SGCD: variants seen among roughly 807,000 people sequenced by gnomAD.
SGCD encodes sarcoglycan delta.
Under a neutral mutation model 36.6 loss-of-function variants are expected in SGCD, and 18 were observed. That is an observed-to-expected ratio of 0.49 (90% confidence interval 0.34 to 0.73). The LOEUF is 0.73. Among genes scored for constraint, SGCD ranks in the 30% least tolerant of loss-of-function variants. SGCD has a pLI of 0.01. For missense variants in SGCD, 387 were observed against 346.7 expected (o/e 1.12, Z -0.92); for synonymous variants, 133 against 130.6 (o/e 1.02, Z -0.12).
At chr5:155,943,237 A>G (rs559677307) in intron 1 of SGCD, among the ~76,000 whole-genome samples, 14 of 152,232 alleles carry the variant, frequency 9.2e-5, no homozygotes, top group Non-Finnish European at 2.1e-4. Context: ...ATGCTATTGC[A>G]TATAAAATGC....
chr5:156,198,375 C>G (rs13178125), intron 3 of SGCD, among the ~76,000 whole-genome samples: 1 of 151,822 alleles, frequency 6.6e-6, no homozygotes, highest in Non-Finnish European at 1.5e-5. Flanking sequence ...AATAATTTAC[C>G]GAGCACTTGG....
chr5:156,530,743 C>A (rs1757853793), intron 4 of SGCD, among the ~76,000 whole-genome samples: 1 of 152,010 alleles, frequency 6.6e-6, no homozygotes, highest in African/African-American at 2.4e-5. Context: ...CCGTGCCCAG[C>A]TAATTTTTGT....
chr5:156,699,681 A>G (rs186251893), intron 7 of SGCD, among the ~76,000 whole-genome samples: 51 of 152,330 alleles, frequency 3.3e-4, no homozygotes, highest in African/African-American at 1.2e-3. Context: ...CCTAGCTGTC[A>G]GTTCAGGAAA....
intron 1 of SGCD, among the ~76,000 whole-genome samples, chr5:155,909,406 A>G (rs918896933): frequency 4.6e-5 from 7 of 152,274 alleles, no homozygotes; most frequent in African/African-American, 1.2e-4. Context: ...ATATCTATAA[A>G]TAACTATCAT....
intron 7 of SGCD, among the ~76,000 whole-genome samples, chr5:156,684,389 C>T (rs747309266): frequency 3.3e-5 from 5 of 152,186 alleles, no homozygotes; most frequent in Non-Finnish European, 7.3e-5. Flanking sequence ...AATAGTCTTT[C>T]ACACCTTGAC....
intron 1 of SGCD, among the ~76,000 whole-genome samples, chr5:156,037,782 T>C (rs1005007590): frequency 1.3e-5 from 2 of 152,222 alleles, no homozygotes; most frequent in African/African-American, 4.8e-5. Context: ...CAGACTAGGC[T>C]ATCTAGAAAG....
At chr5:156,709,082 A>C (rs981202886) in intron 7 of SGCD, among the ~76,000 whole-genome samples, 2 of 152,138 alleles carry the variant, frequency 1.3e-5, no homozygotes, top group Admixed American at 1.3e-4. Context: ...CCCCTCTTTT[A>C]GACAAAAAAG....
the SGCD span, among the ~76,000 whole-genome samples, chr5:155,761,862 TCATCTC>T: frequency 6.6e-6 from 1 of 152,006 alleles, no homozygotes; most frequent in Non-Finnish European, 1.5e-5. Context: ...ATCTTCATTA[TCATCTC>T]CATCATCCTC....
At chr5:155,758,924 G>T in the SGCD span, among the ~76,000 whole-genome samples, 1 of 152,032 alleles carries the variant, frequency 6.6e-6, no homozygotes, top group Non-Finnish European at 1.5e-5. Context: ...GGAAGTTGGT[G>T]GTCAGTTTAC....
intron 1 of SGCD, among the ~76,000 whole-genome samples, chr5:155,925,399 T>G (rs1418999177): frequency 6.6e-6 from 1 of 152,194 alleles, no homozygotes; most frequent in African/African-American, 2.4e-5. Context: ...GAAATGAAAG[T>G]GCCAGCCAAG....
chr5:155,937,391 C>T (rs1757231997), intron 1 of SGCD, among the ~76,000 whole-genome samples: 2 of 152,180 alleles, frequency 1.3e-5, no homozygotes, highest in Admixed American at 6.5e-5. Flanking sequence ...CTAAAGCCTA[C>T]TTTCTCAAAA....
the SGCD span, among the ~76,000 whole-genome samples, chr5:155,809,372 G>C: frequency 6.6e-6 from 1 of 152,208 alleles, no homozygotes; most frequent in Non-Finnish European, 1.5e-5. Context: ...AAATCATTGA[G>C]ATGAACCAAG....
At chr5:155,935,192 G>A (rs1757170852) in intron 1 of SGCD, among the ~76,000 whole-genome samples, 1 of 152,124 alleles carries the variant, frequency 6.6e-6, no homozygotes. Flanking sequence ...TCTGTTGCTT[G>A]CAATTAAGAC....
chr5:156,494,474 A>G (rs1242223037), intron 3 of SGCD, among the ~76,000 whole-genome samples: 2 of 151,990 alleles, frequency 1.3e-5, no homozygotes, highest in African/African-American at 4.8e-5. Context: ...AAAAAAAATT[A>G]TTTAAGTTTA....
intron 3 of SGCD, among the ~76,000 whole-genome samples, chr5:156,246,234 A>T (rs1304535986): frequency 6.6e-6 from 1 of 152,172 alleles, no homozygotes; most frequent in African/African-American, 2.4e-5. Context: ...TAAATATTTT[A>T]TGTTATTTAC....
chr5:156,475,593 A>G (rs1755144789), intron 3 of SGCD, among the ~76,000 whole-genome samples: 1 of 152,148 alleles, frequency 6.6e-6, no homozygotes, highest in Non-Finnish European at 1.5e-5. Flanking sequence ...GGAGGAGACA[A>G]GATACTTTGT....
the SGCD span, among the ~76,000 whole-genome samples, chr5:155,833,207 G>T: frequency 6.6e-6 from 1 of 151,874 alleles, no homozygotes; most frequent in African/African-American, 2.4e-5. Flanking sequence ...TCCAGCCTGG[G>T]TGACACAGAG....
At chr5:156,222,387 A>G (rs1764736878) in intron 3 of SGCD, among the ~76,000 whole-genome samples, 1 of 152,270 alleles carries the variant, frequency 6.6e-6, no homozygotes, top group South Asian at 2.1e-4. Context: ...TCTACTTTAC[A>G]TTAGTGATTT....
chr5:156,345,054 G>T (rs1251330125), intron 3 of SGCD, among the ~76,000 whole-genome samples: 2 of 152,172 alleles, frequency 1.3e-5, no homozygotes, highest in Non-Finnish European at 2.9e-5. Context: ...AAGGTTTTTT[G>T]AAGTAGAGAG....
Sources: gnomAD v4.1 joint callset for allele counts (sites outside exome capture counted in the v4.1 genomes callset) on GRCh38, gnomAD v4.1.1 for gene constraint, MANE v1.5 for transcripts, NCBI Gene and HGNC (gene_info 2026-07-23, HGNC 2026-07-21) for gene names.